The following ARIH2 variants were observed in gnomAD, a reference collection of about 807,000 sequenced individuals.
ARIH2 encodes ariadne RBR E3 ubiquitin protein ligase 2.
Under a neutral mutation model 79.8 loss-of-function variants are expected in ARIH2, and 12 were observed. The observed-to-expected ratio is 0.15, with a 90% CI of 0.10 to 0.24. ARIH2 has a LOEUF of 0.24. Among genes scored for constraint, ARIH2 ranks in the 10% least tolerant of loss-of-function variants. The probability of loss-of-function intolerance (pLI) is 1.00; values close to 1 mark genes in which losing one functional copy is unlikely to be tolerated. For synonymous variants in ARIH2, 224 were observed against 213.9 expected, an observed-to-expected ratio of 1.05 and a Z score of -0.41; for missense variants, 301 against 618.3, an observed-to-expected ratio of 0.49 and a Z score of 5.44.
At chr3:48,963,238 G>A (rs2107547078) in intron 4 of ARIH2, among the ~76,000 whole-genome samples, 1 of 152,302 alleles carries the variant, frequency 6.6e-6, no homozygotes, top group African/African-American at 2.4e-5. Context: ...ATGAACTGCT[G>A]CTGCCTTATT....
chr3:48,920,287 A>C (rs2084626098), intron 1 of ARIH2, among the ~76,000 whole-genome samples: 1 of 151,770 alleles, frequency 6.6e-6, no homozygotes, highest in Non-Finnish European at 1.5e-5. Context: ...GACCTTTAAA[A>C]AAATTTTTTT....
intron 3 of ARIH2, chr3:48,948,938 T>G (rs1366373093): frequency 5.5e-6 from 2 of 366,112 alleles, no homozygotes; most frequent in African/African-American, 4.2e-5. Context: ...CACATTTTGT[T>G]TACCCATTCA....
intron 3 of ARIH2, among the ~76,000 whole-genome samples, chr3:48,931,843 A>G (rs1273724983): frequency 1.3e-5 from 2 of 152,078 alleles, no homozygotes; most frequent in Non-Finnish European, 2.9e-5. Context: ...ACCTGTCTTT[A>G]CTAAAAATAC....
At chr3:48,972,700 A>T (rs549428420) in intron 8 of ARIH2, among the ~76,000 whole-genome samples, 1 of 152,234 alleles carries the variant, frequency 6.6e-6, no homozygotes, top group South Asian at 2.1e-4. Context: ...GGTTGGTCTC[A>T]AACTCCTGGT....
rs948518060 is a variant in ARIH2, at chr3:48,971,495, G to A, written c.770+791G>A. Among the ~76,000 whole-genome samples, 5 of 152,288 alleles carry A rather than the reference G, an allele frequency of 3.3e-5. No homozygotes were observed. In the South Asian group the frequency reaches 1.0e-3, roughly 32 times the overall value. On this transcript the variant is annotated intron_variant, in intron 8 of 15. Coordinates refer to ENST00000356401, the MANE Select transcript of ARIH2 (RefSeq NM_006321.4). ...CCTGACCTCGTGATCTGCCCGCCTT[G>A]GGCTCCCAAAGTGCTGGGATTACAG...
chr3:48,974,589 T>G, intron 9 of ARIH2: 1 of 588,170 alleles, frequency 1.7e-6, no homozygotes, highest in African/African-American at 1.9e-5. Context: ...GTGGAAGACT[T>G]AGTGGGGTTC....
chr3:48,918,929 C>A lies in ARIH2; in HGVS notation c.-231C>A. 1.3e-6 allele frequency: 2 copies of A among 1,591,878 alleles called. No homozygotes were observed. The highest frequency in any genetic ancestry group is 1.7e-6 in the Non-Finnish European group (2 of 1,173,580). On this transcript the variant is annotated 5_prime_UTR_variant, in exon 1 of 16. Coordinates refer to ENST00000356401, the MANE Select transcript of ARIH2 (RefSeq NM_006321.4). Reference sequence around the variant, plus strand: ...CCTCCGCTGCCGCTTCGCCCCAATCCGGTCCCTCTGGCCCGGCCTGACCCG... The same window carrying A: ...CCTCCGCTGCCGCTTCGCCCCAATCAGGTCCCTCTGGCCCGGCCTGACCCG...
At chr3:48,942,242 G>C (rs531862963) in intron 3 of ARIH2, among the ~76,000 whole-genome samples, 2 of 152,114 alleles carry the variant, frequency 1.3e-5, no homozygotes, top group African/African-American at 4.8e-5. Context: ...ATAGAAACAG[G>C]GTTTCACCAT....
intron 8 of ARIH2, 98 bp downstream of exon 8, chr3:48,970,802 C>T: frequency 1.1e-6 from 1 of 906,812 alleles, no homozygotes; most frequent in African/African-American, 1.6e-5. Flanking sequence ...CTGGAAGAGG[C>T]AGGGTCTCTG....
At chr3:48,931,539 ACT>A (rs1212708141) in intron 3 of ARIH2, among the ~76,000 whole-genome samples, 1 of 150,886 alleles carries the variant, frequency 6.6e-6, no homozygotes, top group African/African-American at 2.4e-5. Context: ...ACAGAGTGAG[ACT>A]CTGTCTCAAA....
rs2092702017 is a variant in ARIH2, at chr3:48,980,283, T to G, written c.1114-70T>G. ...TGTCCTGCCAGCAAGGTGTCTATCC[T>G]GAACTCCTGTGTAGACCTCTGCACC... On this transcript the variant is annotated intron_variant, in intron 12 of 15. Coordinates refer to ENST00000356401, the MANE Select transcript of ARIH2 (RefSeq NM_006321.4). 2.0e-6 allele frequency: 3 copies of G among 1,529,052 alleles called. No individual in the cohort carries two copies. In the Admixed American group the frequency reaches 5.7e-5, roughly 29 times the overall value. 94.7% of individuals were successfully genotyped at this position (1,529,052 alleles called of 1,614,324 possible).
At chr3:48,973,939 G>C in intron 9 of ARIH2, 123 bp downstream of exon 9, 1 of 673,670 alleles carries the variant, frequency 1.5e-6, no homozygotes, top group Non-Finnish European at 2.6e-6. Context: ...TGAGGACTGG[G>C]GGTTTGGGGA....
At chr3:48,935,065 A>G in intron 3 of ARIH2, 2 of 587,478 alleles carry the variant, frequency 3.4e-6, no homozygotes, top group Non-Finnish European at 4.3e-6. Context: ...TCATGTTTTC[A>G]TTAACCTAAA....
intron 2 of ARIH2, among the ~76,000 whole-genome samples, chr3:48,924,193 C>G (rs1019051616): frequency 6.6e-6 from 1 of 152,010 alleles, no homozygotes; most frequent in African/African-American, 2.4e-5. Context: ...GTGAGTGTCA[C>G]TATGTTACCC....
intron 13 of ARIH2, 23 bp downstream of exon 13, chr3:48,980,519 T>C (rs1372568872): frequency 6.2e-7 from 1 of 1,611,972 alleles, no homozygotes; most frequent in Non-Finnish European, 8.5e-7. Context: ...TCACTCATCT[T>C]ATCCCTGGTC....
chr3:48,919,440 G>T, intron 1 of ARIH2: 1 of 298,914 alleles, frequency 3.3e-6, no homozygotes, highest in Non-Finnish European at 6.2e-6. Context: ...AGCCCGCGGC[G>T]CCCCTAGGGA....
At chr3:48,927,924 C>A (rs2085856909) in intron 3 of ARIH2, 111 bp downstream of exon 3, 1 of 1,315,146 alleles carries the variant, frequency 7.6e-7, no homozygotes, top group Non-Finnish European at 1.0e-6. Context: ...AGCTTGAAAC[C>A]AAATTTAAGT....
At chr3:48,978,419 GTA>G (rs202143582) in intron 11 of ARIH2, among the ~76,000 whole-genome samples, 14,705 of 46,800 alleles carry the variant, frequency 0.31, 1,316 homozygotes, top group South Asian at 0.49. Flanking sequence ...GCTAATTTGT[GTA>G]TGTGTGTGTG....
chr3:48,965,210 A>AG (rs2091665269), intron 5 of ARIH2, among the ~76,000 whole-genome samples: 1 of 151,130 alleles, frequency 6.6e-6, no homozygotes, highest in Non-Finnish European at 1.5e-5. Flanking sequence ...AAAAAAAAAA[A>AG]TTAGCCGGAT....
Sources: gnomAD v4.1 joint callset for allele counts (sites outside exome capture counted in the v4.1 genomes callset) on GRCh38, gnomAD v4.1.1 for gene constraint, MANE v1.5 for transcripts, NCBI Gene and HGNC (gene_info 2026-07-23, HGNC 2026-07-21) for gene names.